ACADM: variants seen among roughly 807,000 people sequenced by gnomAD.
ACADM encodes the protein acyl-CoA dehydrogenase medium chain, also known as medium-chain specific acyl-CoA dehydrogenase, mitochondrial.
ACADM carries 49 observed loss-of-function variants against 58.9 expected under a neutral mutation model. The observed-to-expected ratio is 0.83, with a 90% confidence interval of 0.66 to 1.06. The LOEUF (loss-of-function observed/expected upper bound fraction) is 1.06. Among genes scored for constraint, ACADM ranks in the 50% least tolerant of loss-of-function variants. The pLI, the probability that ACADM is intolerant of heterozygous loss-of-function variation, is 0.00. For missense variants in ACADM, 496 were observed against 507.0 expected (o/e 0.98, Z 0.21); for synonymous variants, 160 against 157.7 (o/e 1.01, Z -0.11).
At position 75,737,281 on chromosome 1, in the gene ACADM, TATATATATATATATA is replaced by T. The variant is rs1265402564; in HGVS notation, c.468+2411_468+2425del. ...GACTGCCACCACACACACACACAAA[TATATATATATATATA>T]TATATATATATATATATATATATAT... is the stretch of plus-strand genomic sequence containing the variant. On this transcript the variant is annotated intron_variant, in intron 6 of 11. Transcript: ENST00000370841. Among the ~76,000 whole-genome samples the T allele has an allele frequency of 2.8e-3, 56 of 20,108 alleles. 2 individuals carry two copies. Among genetic ancestry groups the T allele is most frequent in the African/African-American group, 6.0e-3 (54 of 9,028 alleles). The allele number at this position is 20,108 out of a possible 152,430, so 13.2% of individuals were successfully genotyped here.
chr1:75,732,332 A>C (rs1398493532), intron 2 of ACADM, among the ~76,000 whole-genome samples: 1 of 152,224 alleles, frequency 6.6e-6, no homozygotes, highest in African/African-American at 2.4e-5. Flanking sequence ...TGGCTTAGGA[A>C]CTAATAATAA....
chr1:75,761,609 G>A (rs143166761), intron 11 of ACADM: 1 of 501,404 alleles, frequency 2.0e-6, no homozygotes, highest in East Asian at 3.5e-5. Context: ...ATTACGTTTG[G>A]ATTAGATTTC....
At chr1:75,747,985 A>G (rs1647987465) in intron 8 of ACADM, among the ~76,000 whole-genome samples, 1 of 152,168 alleles carries the variant, frequency 6.6e-6, no homozygotes, top group Admixed American at 6.6e-5. Context: ...AGGTCAAACT[A>G]TCGTTATTAT....
At chr1:75,752,287 A>G (rs913146854) in intron 10 of ACADM, among the ~76,000 whole-genome samples, 3 of 152,154 alleles carry the variant, frequency 2.0e-5, no homozygotes, top group African/African-American at 4.8e-5. Context: ...TTCTCAAACT[A>G]TTTGTGGTGA....
intron 7 of ACADM, chr1:75,744,879 G>A: frequency 2.6e-6 from 1 of 380,850 alleles, no homozygotes; most frequent in South Asian, 2.3e-5. Context: ...TTAGTTTTGG[G>A]AAAGAAAAAG....
At chr1:75,757,396 G>A (rs1648568591) in intron 10 of ACADM, among the ~76,000 whole-genome samples, 2 of 152,252 alleles carry the variant, frequency 1.3e-5, no homozygotes, top group South Asian at 4.2e-4. Context: ...GTGGGTGAAG[G>A]ATATGAACAG....
At chr1:75,753,961 T>A (rs1337313353) in intron 10 of ACADM, among the ~76,000 whole-genome samples, 1 of 5,256 alleles carries the variant, frequency 1.9e-4, no homozygotes, top group African/African-American at 2.8e-4. Flanking sequence ...ATGCTCAGCT[T>A]TTTTTTTTTT....
intron 10 of ACADM, among the ~76,000 whole-genome samples, chr1:75,755,393 G>A (rs973376519): frequency 1.3e-5 from 2 of 152,180 alleles, no homozygotes; most frequent in African/African-American, 2.4e-5. Context: ...ACGTCCGGGT[G>A]CCCCTCTGAG....
chr1:75,752,840 C>A (rs908140951), intron 10 of ACADM, among the ~76,000 whole-genome samples: 7 of 152,074 alleles, frequency 4.6e-5, no homozygotes, highest in Non-Finnish European at 1.0e-4. Flanking sequence ...AAACAACTTA[C>A]CTGCAGGAAG....
chr1:75,744,715 T>G, intron 7 of ACADM: 1 of 766,278 alleles, frequency 1.3e-6, no homozygotes, highest in South Asian at 1.4e-5. Flanking sequence ...GCAGTTCCCC[T>G]TCTGGAAGGC....
At chr1:75,749,681 G>T in intron 9 of ACADM, 122 bp downstream of exon 9, 3 of 875,084 alleles carry the variant, frequency 3.4e-6, no homozygotes, top group Non-Finnish European at 5.2e-6. Flanking sequence ...ATTTTATTAA[G>T]GATATAGGAA....
intron 10 of ACADM, among the ~76,000 whole-genome samples, chr1:75,756,432 G>A (rs1648511900): frequency 6.6e-6 from 1 of 152,132 alleles, no homozygotes; most frequent in Non-Finnish European, 1.5e-5. Flanking sequence ...CACACAGAGA[G>A]CCAAATCATG....
At chr1:75,756,494 C>T (rs553481935) in intron 10 of ACADM, among the ~76,000 whole-genome samples, 1 of 152,260 alleles carries the variant, frequency 6.6e-6, no homozygotes, top group East Asian at 1.9e-4. Context: ...CCTAGGAATA[C>T]AACTTACAAG....
At chr1:75,749,963 G>C (rs370279288) in intron 9 of ACADM, among the ~76,000 whole-genome samples, 1 of 151,716 alleles carries the variant, frequency 6.6e-6, no homozygotes, top group Admixed American at 6.6e-5. Flanking sequence ...TGCCTACCTC[G>C]GCCTCCCAAA....
chr1:75,738,775 C>T (rs551091826), intron 6 of ACADM, among the ~76,000 whole-genome samples: 233 of 152,054 alleles, frequency 1.5e-3, no homozygotes, highest in Middle Eastern at 3.4e-3. Flanking sequence ...ACTGTAAGTA[C>T]CTTAAGGGCA....
chr1:75,751,169 G>A (rs955693863), intron 10 of ACADM, among the ~76,000 whole-genome samples: 16 of 150,830 alleles, frequency 1.1e-4, no homozygotes, highest in South Asian at 2.1e-4. Flanking sequence ...GTGAAACCCC[G>A]TCTCTACTAA....
chr1:75,749,662 T>C (rs1040016368), intron 9 of ACADM, 103 bp downstream of exon 9: 6 of 1,082,132 alleles, frequency 5.5e-6, no homozygotes, highest in Non-Finnish European at 8.0e-6. Flanking sequence ...CTCTTTTTAA[T>C]ATCTGCTTAT....
chr1:75,745,666 T>A, intron 7 of ACADM, 140 bp from the exon 8 acceptor site: 2 of 771,060 alleles, frequency 2.6e-6, no homozygotes, highest in Non-Finnish European at 4.5e-6. Context: ...TAGGCAAGTT[T>A]TTAAACCTGA....
Position 75,732,553 on chromosome 1 carries a change from C to A in ACADM, c.119-91C>A, listed in dbSNP as rs190806009. ...TTTCTGATAATCAAGGATTTAAGTC[C>A]CCACAATAAATACACATTTCTACAT... On this transcript the variant is annotated intron_variant, in intron 2 of 11. Coordinates refer to ENST00000370841, the MANE Select transcript of ACADM (RefSeq NM_000016.6). The A allele has an allele frequency of 5.3e-4, 551 of 1,045,152 alleles. 4 individuals carry two copies. The African/African-American group carries it at 7.3e-3, about 14-fold the overall frequency. The allele number at this position is 1,045,152 out of a possible 1,614,324, so 64.7% of individuals were successfully genotyped here. A position where few individuals can be genotyped will look rare whatever the true frequency, so the allele number is the denominator to read the frequency against.
Sources: allele counts gnomAD v4.1 joint callset (sites outside exome capture counted in the v4.1 genomes callset), GRCh38; gene constraint gnomAD v4.1.1; transcripts MANE v1.5; gene names NCBI Gene and HGNC (gene_info 2026-07-23, HGNC 2026-07-21).